Variants in TRPM2 observed in about 807,000 individuals in gnomAD.
TRPM2 encodes the protein transient receptor potential cation channel subfamily M member 2, also known as estrogen-responsive element-associated gene 1 protein.
A neutral mutation model predicts 174.0 loss-of-function variants in TRPM2; 161 were observed. The ratio of observed to expected loss-of-function variants is 0.93; its 90% CI spans 0.81 to 1.05. TRPM2 has a LOEUF of 1.05. Among genes scored for constraint, TRPM2 ranks in the 50% least tolerant of loss-of-function variants. The probability of loss-of-function intolerance (pLI) is 0.00; values close to 1 mark genes in which losing one functional copy is unlikely to be tolerated. For missense variants in TRPM2, 2,057 were observed against 2,038.0 expected, an observed-to-expected ratio of 1.01 and a Z score of -0.18; for synonymous variants, 954 against 861.3, an observed-to-expected ratio of 1.11 and a Z score of -1.88.
At position 44,354,496 on chromosome 21, in the gene TRPM2, G is replaced by C. The variant is rs1415660584; in HGVS notation, c.166-152G>C. 1 of 642,066 alleles carries C rather than the reference G, an allele frequency of 1.6e-6. No individual in the cohort carries two copies. Among genetic ancestry groups the C allele is most frequent in the Non-Finnish European group, 2.8e-6 (1 of 359,758 alleles). 39.8% of individuals were successfully genotyped at this position (642,066 alleles called of 1,614,324 possible). On this transcript the variant is annotated intron_variant, in intron 1 of 31. Coordinates refer to ENST00000397928, the MANE Select transcript of TRPM2 (RefSeq NM_003307.4). The surrounding 1 kb of genome is among the most constrained non-coding windows in gnomAD (Gnocchi z 4.3). ...AATCCCCACCGGAGAGTCTTGGCAA[G>C]GTGCTTCTAATCTTTGGCTCAGGGT...
chr21:44,353,926 G>A, intron 1 of TRPM2, 61 bp downstream of exon 1: 1 of 1,552,222 alleles, frequency 6.4e-7, no homozygotes, highest in South Asian at 1.2e-5. Flanking sequence ...CCGTTGGGCA[G>A]GTCATAGCTT....
In TRPM2 at chr21:44,406,609, T is replaced by C; in HGVS notation, c.2806T>C (p.Phe936Leu). 2 of 1,610,264 alleles carry C rather than the reference T, an allele frequency of 1.2e-6. No homozygotes were observed. The highest frequency in any genetic ancestry group is 8.5e-7 in the Non-Finnish European group (1 of 1,179,390). ...TGTCCTGCAGATGAAGGACGTCTTCTTCTTCCTCTTCCTGCTGGCTGTGTG... is the reference window on the plus strand; with the variant it reads ...TGTCCTGCAGATGAAGGACGTCTTCCTCTTCCTCTTCCTGCTGGCTGTGTG... ...IVKRMMKDVF[F>L]FLFLLAVWVV... Residue 936 changes from phenylalanine to leucine, a missense_variant, in exon 19 of 32, where the codon TTC becomes CTC. Phe to Leu is a conservative substitution (Grantham distance 22, BLOSUM62 0). Coordinates refer to ENST00000397928, the MANE Select transcript of TRPM2 (RefSeq NM_003307.4).
Position 44,354,705 on chromosome 21 carries a change from T to G in TRPM2, c.223T>G (p.Phe75Val). 1 of 1,614,214 alleles carries G rather than the reference T, an allele frequency of 6.2e-7. No individual in the cohort carries two copies. Among genetic ancestry groups the G allele is most frequent in the Non-Finnish European group, 8.5e-7 (1 of 1,180,038 alleles). Residue 75 changes from phenylalanine to valine, a missense_variant, in exon 2 of 32, where the codon TTT becomes GTT. Phe to Val is a conservative substitution (Grantham distance 50). Coordinates refer to ENST00000397928, the MANE Select transcript of TRPM2 (RefSeq NM_003307.4). This position sits in a 1 kb window ranked among gnomAD's most constrained non-coding sequence, Gnocchi z 4.3. The part of the protein sequence containing the change: ...ENIKKKECVY[F>V]VESSKLSDAG... Reference sequence around the variant, plus strand: ...CATCAAGAAGAAAGAATGCGTGTATTTTGTGGAAAGTTCCAAACTGTCTGA... The same window carrying G: ...CATCAAGAAGAAAGAATGCGTGTATGTTGTGGAAAGTTCCAAACTGTCTGA...
At chr21:44,397,242 T>C (rs1602219709) in intron 12 of TRPM2, among the ~76,000 whole-genome samples, 1 of 152,068 alleles carries the variant, frequency 6.6e-6, no homozygotes, top group Non-Finnish European at 1.5e-5. Flanking sequence ...TTTCACCATA[T>C]TGGCCAGGCT....
intron 21 of TRPM2, 37 bp from the exon 22 acceptor site, chr21:44,418,386 A>G (rs2050391584): frequency 1.9e-6 from 3 of 1,606,822 alleles, no homozygotes; most frequent in Non-Finnish European, 2.6e-6. Flanking sequence ...CCTCCTGAGG[A>G]TTCCAGGTCC....
chr21:44,391,114 C>T lies in TRPM2; in HGVS notation c.1440+89C>T. On this transcript the variant is annotated intron_variant, in intron 10 of 31. Coordinates refer to ENST00000397928, the MANE Select transcript of TRPM2 (RefSeq NM_003307.4). The surrounding 1 kb of genome is among the most constrained non-coding windows in gnomAD (Gnocchi z 5.0). ...CAAGGGCAGGCAAAGTTCGCATTGT[C>T]TGGATCCCAGCCCTTCCCTTGAGGG... 6.3e-7 allele frequency: 1 copy of T among 1,590,446 alleles called. No homozygotes were observed. Among genetic ancestry groups the T allele is most frequent in the Non-Finnish European group, 8.6e-7 (1 of 1,164,880 alleles).
chr21:44,407,704 G>T (rs1180918037), intron 19 of TRPM2, among the ~76,000 whole-genome samples: 23 of 151,428 alleles, frequency 1.5e-4, no homozygotes, highest in Admixed American at 1.5e-3. Context: ...GGCAGTCTTT[G>T]GTGTCTGACT....
At chr21:44,437,727 A>G (rs946542389) in intron 29 of TRPM2, among the ~76,000 whole-genome samples, 1 of 152,182 alleles carries the variant, frequency 6.6e-6, no homozygotes, top group Non-Finnish European at 1.5e-5. Context: ...AGGGGTGCAC[A>G]CAATCAGGAC....
At chr21:44,396,541 G>C (rs1273684949) in intron 12 of TRPM2, among the ~76,000 whole-genome samples, 1 of 25,306 alleles carries the variant, frequency 4.0e-5, no homozygotes, top group Non-Finnish European at 7.7e-5. Flanking sequence ...TGTGGAGGCT[G>C]TGGAGGGGTG....
intron 6 of TRPM2, 117 bp from the exon 7 acceptor site, chr21:44,377,595 G>C: frequency 1.4e-6 from 2 of 1,380,634 alleles, no homozygotes; most frequent in South Asian, 1.2e-5. Flanking sequence ...TCAGTGCAGG[G>C]TCTTGCCCCC....
intron 2 of TRPM2, among the ~76,000 whole-genome samples, chr21:44,362,258 A>C (rs986787083): frequency 1.3e-5 from 2 of 151,310 alleles, no homozygotes; most frequent in African/African-American, 4.9e-5. Context: ...TAATCCCAGC[A>C]CTTTGGGAAG....
In TRPM2 at chr21:44,441,682, G is replaced by C; in HGVS notation, c.4387-10G>C. ...GGCGGGGAGGGTCAGCTGTGCCCTT[G>C]TTCTTCCAGAACCTGCACGCCTGCG... On this transcript the variant is annotated splice_polypyrimidine_tract_variant and intron_variant, in intron 31 of 31. Transcript: ENST00000397928. The C allele has an allele frequency of 6.2e-7, 1 of 1,605,462 alleles. No homozygotes were observed. The highest frequency in any genetic ancestry group is 1.7e-4 in the Middle Eastern group (1 of 6,032).
intron 2 of TRPM2, among the ~76,000 whole-genome samples, chr21:44,358,649 G>C (rs1012141269): frequency 2.0e-5 from 3 of 152,208 alleles, no homozygotes; most frequent in Admixed American, 2.0e-4. Flanking sequence ...GCTTGTGATA[G>C]GCTGTTAGGA....
intron 7 of TRPM2, among the ~76,000 whole-genome samples, 154 bp downstream of exon 7, chr21:44,377,927 G>A (rs902596835): frequency 6.6e-5 from 10 of 152,250 alleles, no homozygotes; most frequent in African/African-American, 2.2e-4. Flanking sequence ...ACGCTGTGTC[G>A]GGGCTGCTTC....
At chr21:44,403,075 C>T (rs1407896781) in intron 16 of TRPM2, among the ~76,000 whole-genome samples, 1 of 152,172 alleles carries the variant, frequency 6.6e-6, no homozygotes, top group Admixed American at 6.5e-5. Flanking sequence ...CTGGGCTCTC[C>T]TTGGCTCTCC....
chr21:44,420,058 A>G (rs1227776403), intron 22 of TRPM2, among the ~76,000 whole-genome samples: 1 of 152,098 alleles, frequency 6.6e-6, no homozygotes, highest in Non-Finnish European at 1.5e-5. Context: ...GAACTAGCTG[A>G]TGTCAAAGCC....
chr21:44,410,611 A>G lies in TRPM2; in HGVS notation c.2963-3280A>G, dbSNP rs1428897342. ...TAGCCTTGTAGTAAGTTTTGACCGC[A>G]CTGTCTTGGTTGGCGTAGCCTTGTA... On this transcript the variant is annotated intron_variant, in intron 19 of 31. Coordinates refer to ENST00000397928, the MANE Select transcript of TRPM2 (RefSeq NM_003307.4). Among the ~76,000 whole-genome samples, 2 of 69,660 alleles carry G rather than the reference A, an allele frequency of 2.9e-5. 1 individual carries two copies. The highest frequency in any genetic ancestry group is 3.2e-4 in the Admixed American group (2 of 6,240). 45.7% of individuals were successfully genotyped at this position (69,660 alleles called of 152,430 possible).
intron 11 of TRPM2, among the ~76,000 whole-genome samples, chr21:44,393,963 C>T (rs1463958435): frequency 1.3e-5 from 2 of 152,092 alleles, no homozygotes; most frequent in Non-Finnish European, 2.9e-5. Context: ...ACCTCTGCCT[C>T]CTGGGTTCAA....
At chr21:44,357,346 A>C (rs11908983) in intron 2 of TRPM2, among the ~76,000 whole-genome samples, 38,586 of 152,092 alleles carry the variant, frequency 0.25, 5,422 homozygotes, top group African/African-American at 0.39. Context: ...CCTGGATCAG[A>C]TGTAAGCAGG....
Sources: gnomAD v4.1 joint callset for allele counts (sites outside exome capture counted in the v4.1 genomes callset) on GRCh38, gnomAD v4.1.1 for gene constraint, Gnocchi (gnomAD v3.1) non-coding constraint, MANE v1.5 for transcripts, NCBI Gene and HGNC (gene_info 2026-07-23, HGNC 2026-07-21) for gene names.